The following DDX60L variants were observed in gnomAD, a reference collection of about 807,000 sequenced individuals.
DDX60L encodes the protein probable ATP-dependent RNA helicase DDX60-like.
A neutral mutation model predicts 211.6 loss-of-function variants in DDX60L; 191 were observed. The ratio of observed to expected loss-of-function variants is 0.90; its 90% CI spans 0.80 to 1.02. DDX60L has a LOEUF of 1.02. Among genes scored for constraint, DDX60L ranks in the 50% least tolerant of loss-of-function variants. The pLI is 0.00. For synonymous variants in DDX60L, 706 were observed against 694.1 expected (o/e 1.02, Z -0.27); for missense variants, 2,007 against 1,984.1 (o/e 1.01, Z -0.22).
chr4:168,420,639 C>G (rs1246495081), intron 17 of DDX60L, among the ~76,000 whole-genome samples: 78 of 106,686 alleles, frequency 7.3e-4, no homozygotes, highest in African/African-American at 1.4e-3. Flanking sequence ...CACACACACA[C>G]ATGAGATAGA....
chr4:168,359,191 GT>G (rs937101361), intron 37 of DDX60L, among the ~76,000 whole-genome samples: 1 of 152,082 alleles, frequency 6.6e-6, no homozygotes, highest in African/African-American at 2.4e-5. Flanking sequence ...CAGAGTTTCA[GT>G]TTTTTACTAG....
intron 20 of DDX60L, among the ~76,000 whole-genome samples, chr4:168,416,364 C>A (rs1749559774): frequency 6.6e-6 from 1 of 152,048 alleles, no homozygotes; most frequent in African/African-American, 2.4e-5. Flanking sequence ...CTATGGGAGA[C>A]CTTGATTTTC....
Position 168,404,059 on chromosome 4 carries a change from T to C in DDX60L, c.3261A>G (p.Ser1087=). The C allele has an allele frequency of 6.9e-7, 1 of 1,455,756 alleles. No individual in the cohort carries two copies. Among genetic ancestry groups the C allele is most frequent in the Non-Finnish European group, 9.2e-7 (1 of 1,091,762 alleles). 90.2% of individuals were successfully genotyped at this position (1,455,756 alleles called of 1,614,324 possible). Residue 1087 remains serine (S), a synonymous_variant, in exon 25 of 38, where the codon TCA becomes TCG. Transcript: ENST00000682922. ...GAGGAAACATTTTCACCATATCTTT[T>C]GAACTAGACAATGAATCCGGACTAA... is the stretch of plus-strand genomic sequence containing the variant. ...KNLSPDSLSS[S]KDMVKMFPLL...
At chr4:168,409,064 G>T (rs1748230477) in intron 22 of DDX60L, among the ~76,000 whole-genome samples, 1 of 152,144 alleles carries the variant, frequency 6.6e-6, no homozygotes, top group South Asian at 2.1e-4. Context: ...TATTGTCATT[G>T]CTATCTTAGG....
At chr4:168,437,103 G>C (rs539955991) in intron 10 of DDX60L, among the ~76,000 whole-genome samples, 1 of 152,186 alleles carries the variant, frequency 6.6e-6, no homozygotes, top group South Asian at 2.1e-4. Flanking sequence ...GTACTCTATG[G>C]GTCCAGACCC....
intron 19 of DDX60L, among the ~76,000 whole-genome samples, chr4:168,417,482 A>G (rs964062557): frequency 6.6e-6 from 1 of 152,184 alleles, no homozygotes; most frequent in African/African-American, 2.4e-5. Flanking sequence ...GCTGAAGGTC[A>G]TTGCCTCAGA....
intron 30 of DDX60L, among the ~76,000 whole-genome samples, chr4:168,381,733 T>C (rs1372244866): frequency 6.6e-6 from 1 of 152,036 alleles, no homozygotes; most frequent in African/African-American, 2.4e-5. Flanking sequence ...TCCACAACAG[T>C]AGATGCCAAA....
Position 168,441,400 on chromosome 4 carries a change from T to C in DDX60L, c.1231A>G (p.Lys411Glu). 1 of 1,613,278 alleles carries C rather than the reference T, an allele frequency of 6.2e-7. No individual in the cohort carries two copies. The highest frequency in any genetic ancestry group is 8.5e-7 in the Non-Finnish European group (1 of 1,179,596). The change falls in exon 10 of 38, where the codon AAG (lysine) becomes GAG (glutamate). Residue 411 changes from lysine (K) to glutamate (E), a missense_variant. Coordinates refer to ENST00000682922, the MANE Select transcript of DDX60L (RefSeq NM_001012967.3). ...CTTGTTGTTCTCAGAGGAAAAGACT[T>C]TCCAACGTTAAATTCTTTAACCAGG... ...SHLVKEFNVG[K>E]SFPLRTTRRH... is the part of the protein sequence containing the mutation.
chr4:168,399,433 G>T (rs983645076), intron 26 of DDX60L, among the ~76,000 whole-genome samples: 2 of 152,208 alleles, frequency 1.3e-5, no homozygotes, highest in African/African-American at 4.8e-5. Context: ...GGAAGCTGGT[G>T]CCCGTGACAG....
At chr4:168,470,895 G>C (rs970016197) in intron 4 of DDX60L, 1 of 243,978 alleles carries the variant, frequency 4.1e-6, no homozygotes, top group Non-Finnish European at 8.4e-6. Flanking sequence ...CAATAGAAAG[G>C]ATTTAAACAG....
At chr4:168,372,255 A>T (rs143988475) in intron 35 of DDX60L, among the ~76,000 whole-genome samples, 3 of 152,254 alleles carry the variant, frequency 2.0e-5, no homozygotes, top group Non-Finnish European at 4.4e-5. Flanking sequence ...AGAAGAAAAA[A>T]GTGGCAGAGG....
intron 33 of DDX60L, among the ~76,000 whole-genome samples, chr4:168,375,921 G>A: frequency 6.6e-6 from 1 of 152,188 alleles, no homozygotes; most frequent in African/African-American, 2.4e-5. Context: ...GCTGCCCCAA[G>A]CACTTGTTAT....
At chr4:168,479,032 G>T (rs1485591853) in intron 1 of DDX60L, among the ~76,000 whole-genome samples, 1 of 152,174 alleles carries the variant, frequency 6.6e-6, no homozygotes, top group Admixed American at 6.5e-5. Flanking sequence ...AAGCATACCA[G>T]TATGACAGCC....
chr4:168,473,100 T>C (rs928082598), intron 1 of DDX60L, among the ~76,000 whole-genome samples: 1 of 152,170 alleles, frequency 6.6e-6, no homozygotes, highest in Non-Finnish European at 1.5e-5. Flanking sequence ...CAGAACAGCA[T>C]GTGCAAAGGC....
At chr4:168,405,910 C>A in intron 24 of DDX60L, 40 bp downstream of exon 24, 1 of 1,513,580 alleles carries the variant, frequency 6.6e-7, no homozygotes, top group Non-Finnish European at 8.8e-7. Flanking sequence ...AAACAATTAA[C>A]AATTAAGTGA....
intron 30 of DDX60L, among the ~76,000 whole-genome samples, chr4:168,381,880 C>T (rs1336405582): frequency 2.0e-5 from 3 of 152,104 alleles, no homozygotes; most frequent in Non-Finnish European, 4.4e-5. Context: ...CCCTCACAAA[C>T]GTTATTATAT....
chr4:168,422,230 TAAGTACAGA>T (rs1211959035), intron 16 of DDX60L, among the ~76,000 whole-genome samples: 1 of 152,224 alleles, frequency 6.6e-6, no homozygotes, highest in African/African-American at 2.4e-5. Flanking sequence ...TGTCATTGAG[TAAGTACAGA>T]AAGAGGTTTC....
chr4:168,476,469 TA>T (rs1381001121), intron 1 of DDX60L, among the ~76,000 whole-genome samples: 9 of 152,004 alleles, frequency 5.9e-5, no homozygotes, highest in African/African-American at 2.2e-4. Context: ...AACAAAAATA[TA>T]AAAAATTAAA....
chr4:168,417,413 T>G (rs1328394894), intron 19 of DDX60L, among the ~76,000 whole-genome samples: 2 of 152,172 alleles, frequency 1.3e-5, no homozygotes, highest in Non-Finnish European at 2.9e-5. Context: ...ACGACCCTGC[T>G]ACTTAAAATC....
Sources: gnomAD v4.1 joint callset for allele counts (sites outside exome capture counted in the v4.1 genomes callset) on GRCh38, gnomAD v4.1.1 for gene constraint, MANE v1.5 for transcripts, NCBI Gene and HGNC (gene_info 2026-07-23, HGNC 2026-07-21) for gene names.